Variants in RUNX2 observed in about 807,000 individuals in gnomAD.
RUNX2 encodes RUNX family transcription factor 2.
A neutral mutation model predicts 51.7 loss-of-function variants in RUNX2; 10 were observed. That is an observed-to-expected ratio of 0.19 (90% CI 0.12 to 0.33). RUNX2 has a LOEUF of 0.33. Among genes scored for constraint, RUNX2 ranks in the 10% least tolerant of loss-of-function variants. The probability of loss-of-function intolerance (pLI) is 1.00; values close to 1 mark genes in which losing one functional copy is unlikely to be tolerated. For synonymous variants in RUNX2, 276 were observed against 273.6 expected, an observed-to-expected ratio of 1.01 and a Z score of -0.09; for missense variants, 562 against 691.3, an observed-to-expected ratio of 0.81 and a Z score of 2.10.
chr6:45,328,437 C>A lies in RUNX2; in HGVS notation c.-90C>A. ...ATGGTTAATCTCCGCAGGTCACTAC[C>A]AGCCACCGAGACCAACAGAGTCAGT... On this transcript the variant is annotated 5_prime_UTR_variant, in exon 1 of 9. Coordinates refer to ENST00000647337, the MANE Select transcript of RUNX2 (RefSeq NM_001024630.4). 9 of 1,454,352 alleles carry A rather than the reference C, an allele frequency of 6.2e-6. No individual in the cohort carries two copies. Among genetic ancestry groups the A allele is most frequent in the Non-Finnish European group, 8.3e-6 (9 of 1,079,170 alleles). 90.1% of individuals were successfully genotyped at this position (1,454,352 alleles called of 1,614,324 possible).
rs191480172 is a variant in RUNX2 at position 45,463,651 on chromosome 6, C to T, written c.685+25600C>T. ...TGCTTTTTTTAAAAAAATGAATTCT[C>T]CCTCCTTTTATTTTTGTTCCCTTTT... On this transcript the variant is annotated intron_variant, in intron 5 of 8. Transcript: ENST00000647337. 3.6e-4 allele frequency among the ~76,000 whole-genome samples: 55 copies of T among 152,190 alleles called. 1 individual carries two copies. Among genetic ancestry groups the T allele is most frequent in the Middle Eastern group, 6.8e-3 (2 of 294 alleles).
chr6:45,378,122 G>A (rs1451341334), intron 2 of RUNX2, among the ~76,000 whole-genome samples: 1 of 152,204 alleles, frequency 6.6e-6, no homozygotes, highest in African/African-American at 2.4e-5. Flanking sequence ...GCCGGGGGCG[G>A]GGCGTTGTGC....
intron 2 of RUNX2, among the ~76,000 whole-genome samples, chr6:45,407,265 G>C (rs1163068926): frequency 6.6e-6 from 1 of 151,986 alleles, no homozygotes; most frequent in Non-Finnish European, 1.5e-5. Flanking sequence ...CACCAGGCTG[G>C]TCTCGAACTC....
chr6:45,376,963 G>A (rs536939234), intron 2 of RUNX2, among the ~76,000 whole-genome samples: 1 of 151,584 alleles, frequency 6.6e-6, no homozygotes, highest in East Asian at 1.9e-4. Context: ...TAGCCTCTTG[G>A]AGAAATGCTA....
At chr6:45,491,633 T>G (rs984157580) in intron 5 of RUNX2, among the ~76,000 whole-genome samples, 16 of 149,284 alleles carry the variant, frequency 1.1e-4, no homozygotes, top group African/African-American at 3.7e-4. Context: ...TTTTTTTTTT[T>G]TTTTTTTTTT....
chr6:45,546,542 G>C (rs1802405451), intron 8 of RUNX2, among the ~76,000 whole-genome samples: 1 of 152,186 alleles, frequency 6.6e-6, no homozygotes, highest in Admixed American at 6.5e-5. Context: ...GAACCTATGT[G>C]ATCAGAGTGT....
In RUNX2 at chr6:45,547,082, G is replaced by A; in HGVS notation, c.1343G>A (p.Gly448Asp). ...QTSSTPYLYY[G>D]TSSGSYQFPM... ...AGCAGCACTCCATATCTCTACTATG[G>A]CACTTCGTCAGGATCCTATCAGTTT... The change falls in exon 9 of 9, where the codon GGC becomes GAC. Residue 448 changes from glycine (G) to aspartate (D), a missense_variant. Around this residue, in one of 5 missense-constraint regions of RUNX2, gnomAD observed 304 missense variants for 353.2 expected, o/e 0.86. Transcript: ENST00000647337. 6.2e-7 allele frequency: 1 copy of A among 1,614,048 alleles called. No homozygotes were observed. The highest frequency in any genetic ancestry group is 8.5e-7 in the Non-Finnish European group (1 of 1,180,010).
intron 2 of RUNX2, among the ~76,000 whole-genome samples, chr6:45,384,873 T>A (rs1347375923): frequency 2.0e-5 from 3 of 152,010 alleles, no homozygotes; most frequent in East Asian, 1.9e-4. Context: ...GTTAATTTTT[T>A]AAAAAAATTT....
Position 45,328,580 on chromosome 6 carries a change from G to A in RUNX2, c.-66-81G>A, listed in dbSNP as rs1786815750. 8 of 1,580,394 alleles carry A rather than the reference G, an allele frequency of 5.1e-6. No homozygotes were observed. The East Asian group carries it at 1.6e-4, about 31-fold the overall frequency. Reference sequence around the variant, plus strand: ...TTACCAGCTACATAATTTCTTGACAGAAAAAAATAAATATAAAGTCTATGT... The same window carrying A: ...TTACCAGCTACATAATTTCTTGACAAAAAAAAATAAATATAAAGTCTATGT... On this transcript the variant is annotated intron_variant, in intron 1 of 8. Coordinates refer to ENST00000647337, the MANE Select transcript of RUNX2 (RefSeq NM_001024630.4).
chr6:45,537,100 A>C (rs926581470), intron 7 of RUNX2, among the ~76,000 whole-genome samples: 106 of 152,194 alleles, frequency 7.0e-4, no homozygotes, highest in African/African-American at 2.5e-3. Flanking sequence ...TCCTGCTTAC[A>C]AGAGTCTCAT....
intron 5 of RUNX2, among the ~76,000 whole-genome samples, chr6:45,451,373 C>T (rs2820339): frequency 6.6e-6 from 1 of 152,010 alleles, no homozygotes; most frequent in African/African-American, 2.4e-5. Context: ...TAAGTAGATT[C>T]TCTTAGGACT....
chr6:45,517,205 A>G (rs1447389041), intron 7 of RUNX2, among the ~76,000 whole-genome samples: 1 of 152,112 alleles, frequency 6.6e-6, no homozygotes, highest in African/African-American at 2.4e-5. Flanking sequence ...TTTAAGAGAC[A>G]GGGTCTTGCT....
chr6:45,528,620 C>CA (rs1244995164), intron 7 of RUNX2, among the ~76,000 whole-genome samples: 337 of 137,758 alleles, frequency 2.4e-3, no homozygotes, highest in East Asian at 8.4e-3. Flanking sequence ...GACTCTGTCT[C>CA]AAAAAAAAAA....
At chr6:45,373,959 A>C (rs1259878749) in intron 2 of RUNX2, among the ~76,000 whole-genome samples, 2 of 152,194 alleles carry the variant, frequency 1.3e-5, no homozygotes, top group African/African-American at 4.8e-5. Flanking sequence ...TTTGCAGGTC[A>C]CTCTTTAGTG....
chr6:45,430,183 G>A (rs1324061417), intron 3 of RUNX2, among the ~76,000 whole-genome samples: 1 of 152,072 alleles, frequency 6.6e-6, no homozygotes, highest in East Asian at 1.9e-4. Context: ...CAGATGAGAT[G>A]AAGGCCCTTC....
chr6:45,369,773 G>A (rs1321253492), intron 2 of RUNX2, among the ~76,000 whole-genome samples: 1 of 152,130 alleles, frequency 6.6e-6, no homozygotes, highest in Non-Finnish European at 1.5e-5. Flanking sequence ...TATAATGCAA[G>A]AGACAAGCAC....
At chr6:45,487,243 C>CT (rs1582163581) in intron 5 of RUNX2, among the ~76,000 whole-genome samples, 1 of 152,114 alleles carries the variant, frequency 6.6e-6, no homozygotes, top group Non-Finnish European at 1.5e-5. Context: ...CTGAAATAAG[C>CT]TGGTTGGCAA....
At chr6:45,492,581 G>A (rs186636327) in intron 6 of RUNX2, among the ~76,000 whole-genome samples, 3 of 152,270 alleles carry the variant, frequency 2.0e-5, no homozygotes, top group African/African-American at 7.2e-5. Flanking sequence ...TATAAGGCAA[G>A]GTCAATGTGT....
chr6:45,411,464 G>A (rs893873782), intron 2 of RUNX2, among the ~76,000 whole-genome samples: 6 of 152,078 alleles, frequency 3.9e-5, no homozygotes, highest in African/African-American at 1.4e-4. Context: ...TGCCTAGAGG[G>A]AATTTTTATG....
Sources: gnomAD v4.1 joint callset for allele counts (sites outside exome capture counted in the v4.1 genomes callset) on GRCh38, gnomAD v4.1.1 for gene constraint, gnomAD v4.1.1 regional missense constraint, MANE v1.5 for transcripts, NCBI Gene and HGNC (gene_info 2026-07-23, HGNC 2026-07-21) for gene names.